SORCS1: variants seen among roughly 807,000 people sequenced by gnomAD.
The protein encoded by SORCS1 is VPS10 domain-containing receptor SorCS1.
SORCS1 carries 60 observed loss-of-function variants against 146.1 expected under a neutral mutation model. The ratio of observed to expected loss-of-function variants is 0.41; its 90% CI spans 0.33 to 0.51. SORCS1 has a LOEUF of 0.51. Among genes scored for constraint, SORCS1 ranks in the 20% least tolerant of loss-of-function variants. SORCS1 has a pLI of 0.21. For missense variants in SORCS1, 1,352 were observed against 1,487.6 expected (o/e 0.91, Z 1.50); for synonymous variants, 637 against 584.0 (o/e 1.09, Z -1.31).
intron 3 of SORCS1, among the ~76,000 whole-genome samples, chr10:106,816,454 GTC>G (rs1276877795): frequency 6.6e-6 from 1 of 152,166 alleles, no homozygotes; most frequent in Non-Finnish European, 1.5e-5. Flanking sequence ...TGGGACTTTG[GTC>G]TCTCTGTCAG....
Position 106,859,513 on chromosome 10 carries a change from C to A in SORCS1, c.627-29840G>T, listed in dbSNP as rs1037613206. On this transcript the variant is annotated intron_variant, in intron 2 of 25. Transcript: ENST00000263054. ...GGCTCAAGCGATTCTCCTGCCTCAG[C>A]CTCCCCAGTGGCTGGGACTACAGGT... 2.6e-5 allele frequency among the ~76,000 whole-genome samples: 4 copies of A among 152,298 alleles called. No individual in the cohort carries two copies. The East Asian group carries it at 7.7e-4, about 29-fold the overall frequency.
chr10:106,980,156 C>A (rs1956191357), intron 1 of SORCS1, among the ~76,000 whole-genome samples: 1 of 152,034 alleles, frequency 6.6e-6, no homozygotes, highest in Non-Finnish European at 1.5e-5. Flanking sequence ...TGCCCTGAAC[C>A]AAGAAGGAAA....
chr10:106,878,671 T>C (rs1950697733), intron 2 of SORCS1, among the ~76,000 whole-genome samples: 2 of 129,596 alleles, frequency 1.5e-5, no homozygotes, highest in Non-Finnish European at 3.4e-5. Context: ...CTGAATGGAC[T>C]AAGACAGGAA....
chr10:106,588,740 G>A (rs997138102), intron 24 of SORCS1, among the ~76,000 whole-genome samples: 5 of 151,388 alleles, frequency 3.3e-5, no homozygotes, highest in East Asian at 2.0e-4. Context: ...AGGTGCCTGC[G>A]GTTCCAGCTA....
intron 2 of SORCS1, among the ~76,000 whole-genome samples, chr10:106,931,392 A>G (rs1051447860): frequency 5.9e-5 from 9 of 152,234 alleles, no homozygotes; most frequent in Admixed American, 2.6e-4. Context: ...TGGAGCTACA[A>G]AAACAACTGC....
At chr10:107,043,360 A>T (rs1959186706) in intron 1 of SORCS1, among the ~76,000 whole-genome samples, 1 of 152,132 alleles carries the variant, frequency 6.6e-6, no homozygotes, top group African/African-American at 2.4e-5. Context: ...TTATGTTGGA[A>T]GGTAAGTCTT....
chr10:106,839,808 T>C (rs893736144), intron 2 of SORCS1, among the ~76,000 whole-genome samples: 2 of 152,338 alleles, frequency 1.3e-5, no homozygotes, highest in African/African-American at 4.8e-5. Context: ...CTGAAAATCC[T>C]GGAGTCCATA....
intron 2 of SORCS1, among the ~76,000 whole-genome samples, chr10:106,869,875 C>A (rs1385419996): frequency 1.3e-5 from 2 of 151,900 alleles, no homozygotes; most frequent in East Asian, 3.9e-4. Context: ...CAGAGGGCAT[C>A]CAAATAGGAA....
chr10:106,604,306 A>C (rs2133363889), intron 23 of SORCS1, among the ~76,000 whole-genome samples: 1 of 152,318 alleles, frequency 6.6e-6, no homozygotes, highest in African/African-American at 2.4e-5. Flanking sequence ...TAAGTGATTA[A>C]GTCAGAGCAG....
At position 106,881,034 on chromosome 10, in the gene SORCS1, G is replaced by A. The variant is rs147499032; in HGVS notation, c.627-51361C>T. On this transcript the variant is annotated intron_variant, in intron 2 of 25. Coordinates refer to ENST00000263054, the MANE Select transcript of SORCS1 (RefSeq NM_052918.5). Reference sequence around the variant, plus strand: ...GGAGCTTTCAGTGAGCTGAGATCACGTCACTACACTCCAGCCTGGGCAACA... The same window carrying A: ...GGAGCTTTCAGTGAGCTGAGATCACATCACTACACTCCAGCCTGGGCAACA... Among the ~76,000 whole-genome samples the A allele has an allele frequency of 1.9e-3, 258 of 134,914 alleles. 2 individuals are homozygous for A. Among genetic ancestry groups the A allele is most frequent in the African/African-American group, 6.1e-3 (214 of 34,962 alleles). 88.5% of individuals were successfully genotyped at this position (134,914 alleles called of 152,430 possible).
At chr10:106,637,851 C>G (rs567435282) in intron 18 of SORCS1, among the ~76,000 whole-genome samples, 4 of 152,296 alleles carry the variant, frequency 2.6e-5, no homozygotes, top group African/African-American at 9.6e-5. Context: ...AGGAACATCA[C>G]AAAGTGGTTT....
chr10:106,941,170 A>G (rs1954023436), intron 2 of SORCS1, among the ~76,000 whole-genome samples: 1 of 152,244 alleles, frequency 6.6e-6, no homozygotes, highest in Non-Finnish European at 1.5e-5. Context: ...GGCATATAGT[A>G]AATTGTCAGT....
intron 22 of SORCS1, among the ~76,000 whole-genome samples, chr10:106,610,844 C>T (rs1470889429): frequency 2.0e-5 from 3 of 152,034 alleles, no homozygotes; most frequent in African/African-American, 7.2e-5. Context: ...TTTGGGAGGC[C>T]GGGGCAGTTG....
At chr10:106,666,809 G>A (rs978286085) in intron 17 of SORCS1, among the ~76,000 whole-genome samples, 13 of 151,138 alleles carry the variant, frequency 8.6e-5, no homozygotes, top group African/African-American at 2.9e-4. Flanking sequence ...CAAGTGATCC[G>A]CCCACCTTAG....
intron 4 of SORCS1, among the ~76,000 whole-genome samples, chr10:106,764,072 T>A (rs1297122151): frequency 6.6e-6 from 1 of 152,232 alleles, no homozygotes; most frequent in Non-Finnish European, 1.5e-5. Flanking sequence ...CAGAGGAATA[T>A]GTTTTGCTTC....
At chr10:106,899,591 C>CTT (rs35476429) in intron 2 of SORCS1, among the ~76,000 whole-genome samples, 2,500 of 97,504 alleles carry the variant, frequency 0.026, 52 homozygotes, top group Non-Finnish European at 0.038. Context: ...GCCACCAGGG[C>CTT]TTTTTTTTTT....
intron 3 of SORCS1, among the ~76,000 whole-genome samples, chr10:106,814,940 G>T (rs1947662396): frequency 6.8e-6 from 1 of 147,602 alleles, no homozygotes; most frequent in Admixed American, 6.8e-5. Context: ...AAAAAAGGTG[G>T]TCTTATATTC....
chr10:106,954,704 C>T (rs572698399), intron 2 of SORCS1, among the ~76,000 whole-genome samples: 1 of 152,282 alleles, frequency 6.6e-6, no homozygotes, highest in South Asian at 2.1e-4. Flanking sequence ...TACCATGGGT[C>T]TAAAATCATG....
chr10:107,116,814 T>C (rs1966069849), intron 1 of SORCS1, among the ~76,000 whole-genome samples: 1 of 152,186 alleles, frequency 6.6e-6, no homozygotes, highest in African/African-American at 2.4e-5. Flanking sequence ...GTTGTACACA[T>C]TGAGTATATA....
Sources: gnomAD v4.1 joint callset for allele counts (sites outside exome capture counted in the v4.1 genomes callset) on GRCh38, gnomAD v4.1.1 for gene constraint, MANE v1.5 for transcripts, NCBI Gene and HGNC (gene_info 2026-07-23, HGNC 2026-07-21) for gene names.